The following LDLRAP1 variants were observed in gnomAD, a reference collection of about 807,000 sequenced individuals.
LDLRAP1 encodes the protein low density lipoprotein receptor adaptor protein 1.
A neutral mutation model predicts 37.8 loss-of-function variants in LDLRAP1; 30 were observed. The observed-to-expected ratio is 0.79, with a 90% CI of 0.59 to 1.08. The LOEUF is 1.08. LDLRAP1 is among the 50% of genes least tolerant of loss of function. LDLRAP1 has a pLI of 0.00. For synonymous variants in LDLRAP1, 156 were observed against 169.8 expected (o/e 0.92, Z 0.63); for missense variants, 375 against 401.6 (o/e 0.93, Z 0.57).
In LDLRAP1 at chr1:25,553,955, C is replaced by A. The variant is rs142920998; in HGVS notation, c.122C>A (p.Thr41Lys). The A allele has an allele frequency of 1.4e-5, 23 of 1,613,856 alleles. No homozygotes were observed. The highest frequency in any genetic ancestry group is 1.9e-5 in the Non-Finnish European group (22 of 1,180,014). ...LPENWTDTRE[T>K]LLEGMLFSLK... ...GAGAACTGGACAGACACGCGGGAGACGCTGCTGGAGGGGATGCTGTTCAGC... is the reference window on the plus strand; with the variant it reads ...GAGAACTGGACAGACACGCGGGAGAAGCTGCTGGAGGGGATGCTGTTCAGC... The change falls in exon 2 of 9, where the codon ACG becomes AAG. Residue 41 changes from threonine (T) to lysine (K), a missense_variant. Transcript: ENST00000374338.
At chr1:25,571,810 T>C (rs2044607825), downstream of LDLRAP1, among the ~76,000 whole-genome samples, 3 of 152,192 alleles carry the variant, frequency 2.0e-5, no homozygotes, top group African/African-American at 7.2e-5. Flanking sequence ...GATGGTGCGT[T>C]TGTGGCCAGG....
chr1:25,557,200 A>G lies in LDLRAP1; in HGVS notation c.392A>G (p.Tyr131Cys), dbSNP rs2044223048. The G allele has an allele frequency of 1.2e-6, 2 of 1,614,174 alleles. No homozygotes were observed. ...AAGATGCACGACAAGGTGTTTGCAT[A>G]CATCGCCCAGAGCCAGCACAACCAG... ...ADKMHDKVFA[Y>C]IAQSQHNQSL... The change falls in exon 4 of 9, where the codon TAC becomes TGC. Residue 131 changes from tyrosine to cysteine, a missense_variant. By Grantham distance (194) the Tyr-to-Cys change is radical. Coordinates refer to ENST00000374338, the MANE Select transcript of LDLRAP1 (RefSeq NM_015627.3).
downstream of LDLRAP1, among the ~76,000 whole-genome samples, chr1:25,570,500 C>T (rs2044589654): frequency 6.6e-6 from 1 of 152,174 alleles, no homozygotes; most frequent in Non-Finnish European, 1.5e-5. Context: ...GGGGGGCTGG[C>T]TTGGGGCCTG....
downstream of LDLRAP1, among the ~76,000 whole-genome samples, chr1:25,571,853 C>A (rs1043342921): frequency 2.6e-5 from 4 of 152,188 alleles, no homozygotes; most frequent in Non-Finnish European, 5.9e-5. Context: ...ATCCTTGTTG[C>A]CAGACAGCAA....
In LDLRAP1 at chr1:25,544,762, C is replaced by G. The variant is rs777398742; in HGVS notation, c.88+976C>G. 2.0e-5 allele frequency among the ~76,000 whole-genome samples: 3 copies of G among 152,200 alleles called. No homozygotes were observed. Among genetic ancestry groups the G allele is most frequent in the Non-Finnish European group, 4.4e-5 (3 of 68,028 alleles). ...TTCCTGCTGGTTTTGGAGCCAGAGC[C>G]CAGGACTGCTGCACACTCCCACCTC... is the stretch of plus-strand genomic sequence containing the variant. On this transcript the variant is annotated intron_variant, in intron 1 of 8. Coordinates refer to ENST00000374338, the MANE Select transcript of LDLRAP1 (RefSeq NM_015627.3). The surrounding 1 kb of genome is among the most constrained non-coding windows in gnomAD (Gnocchi z 4.8).
the LDLRAP1 span, among the ~76,000 whole-genome samples, chr1:25,578,085 A>C: frequency 6.6e-6 from 1 of 152,160 alleles, no homozygotes. Flanking sequence ...TGAAAAAGAC[A>C]GTTTTGTTCA....
intron 5 of LDLRAP1, 135 bp downstream of exon 5, chr1:25,562,851 CAG>C (rs10687390): frequency 0.51 from 429,956 of 849,670 alleles, 111,320 homozygotes; most frequent in Middle Eastern, 0.57. Context: ...CTTCACCGCT[CAG>C]AGTCTCGGTT....
In LDLRAP1 at chr1:25,554,075, C is replaced by A. The variant is rs1490494849; in HGVS notation, c.231+11C>A. The A allele has an allele frequency of 6.2e-7, 1 of 1,613,444 alleles. No homozygotes were observed. On this transcript the variant is annotated intron_variant, in intron 2 of 8. Coordinates refer to ENST00000374338, the MANE Select transcript of LDLRAP1 (RefSeq NM_015627.3). The surrounding 1 kb of genome is among the most constrained non-coding windows in gnomAD (Gnocchi z 5.4). ...AGGATCGTGGCTACAGTGAGCACCC[C>A]AGTCAGGAAGGGTGGGGGAACCAGG...
intron 1 of LDLRAP1, among the ~76,000 whole-genome samples, chr1:25,548,911 C>T (rs2044004776): frequency 6.6e-6 from 1 of 152,130 alleles, no homozygotes; most frequent in Non-Finnish European, 1.5e-5. Context: ...CCTTCTCAGC[C>T]TCCTAGCACA....
Position 25,544,612 on chromosome 1 carries a change from G to T in LDLRAP1, c.88+826G>T, listed in dbSNP as rs1344861684. ...GGCCTCCCCCCCTTTCTCTCCCCCAGTCTCTGATTACGCTCAGGGAACTTG... is the reference window on the plus strand; with the variant it reads ...GGCCTCCCCCCCTTTCTCTCCCCCATTCTCTGATTACGCTCAGGGAACTTG... On this transcript the variant is annotated intron_variant, in intron 1 of 8. Coordinates refer to ENST00000374338, the MANE Select transcript of LDLRAP1 (RefSeq NM_015627.3). This position sits in a 1 kb window ranked among gnomAD's most constrained non-coding sequence, Gnocchi z 4.8. 6.6e-6 allele frequency among the ~76,000 whole-genome samples: 1 copy of T among 152,026 alleles called. No individual in the cohort carries two copies. Among genetic ancestry groups the T allele is most frequent in the Non-Finnish European group, 1.5e-5 (1 of 67,992 alleles).
At position 25,554,579 on chromosome 1, in the gene LDLRAP1, T is replaced by A. The variant is rs2044154996; in HGVS notation, c.232-281T>A. ...CCGAGTCTGCAGGCCCTTCTAGCTGTGTGTCCTTGGGTAAGTCCCTTAGCC... is the reference window on the plus strand; with the variant it reads ...CCGAGTCTGCAGGCCCTTCTAGCTGAGTGTCCTTGGGTAAGTCCCTTAGCC... On this transcript the variant is annotated intron_variant, in intron 2 of 8. Coordinates refer to ENST00000374338, the MANE Select transcript of LDLRAP1 (RefSeq NM_015627.3). The surrounding 1 kb of genome is among the most constrained non-coding windows in gnomAD (Gnocchi z 5.4). 6.6e-6 allele frequency among the ~76,000 whole-genome samples: 1 copy of A among 152,238 alleles called. No homozygotes were observed. The highest frequency in any genetic ancestry group is 2.1e-4 in the South Asian group (1 of 4,832).
chr1:25,556,646 T>A (rs1301099151), intron 3 of LDLRAP1, among the ~76,000 whole-genome samples: 1 of 152,200 alleles, frequency 6.6e-6, no homozygotes, highest in Non-Finnish European at 1.5e-5. Context: ...CTGCTTCCCC[T>A]TCTGGCCAGT....
rs571523860 is a variant in LDLRAP1 at position 25,565,231 on chromosome 1, G to A, written c.782+24G>A. The A allele has an allele frequency of 3.2e-5, 52 of 1,613,890 alleles. 1 individual carries two copies. In the South Asian group the frequency reaches 5.5e-4, roughly 17 times the overall value. ...AGGTAATGCTAGCTTCCTGTGCTGG[G>A]TAGGGGGCCTGGTGTGCGTGGGCTG... On this transcript the variant is annotated intron_variant, in intron 8 of 8. Coordinates refer to ENST00000374338, the MANE Select transcript of LDLRAP1 (RefSeq NM_015627.3).
intron 1 of LDLRAP1, among the ~76,000 whole-genome samples, chr1:25,553,156 A>G (rs991548796): frequency 2.6e-5 from 4 of 151,536 alleles, no homozygotes; most frequent in Admixed American, 1.3e-4. Context: ...GGCTGGGGCC[A>G]TGGGAACCGC....
At chr1:25,546,509 C>T (rs1004070544) in intron 1 of LDLRAP1, among the ~76,000 whole-genome samples, 1 of 152,190 alleles carries the variant, frequency 6.6e-6, no homozygotes, top group Non-Finnish European at 1.5e-5. Flanking sequence ...CTTTTCCTAT[C>T]CCCTGGGGAG....
intron 8 of LDLRAP1, 131 bp downstream of exon 8, chr1:25,565,338 A>G: frequency 1.0e-6 from 1 of 989,472 alleles, no homozygotes; most frequent in Non-Finnish European, 1.6e-6. Context: ...CAACAGTCCC[A>G]TCCCTCCACT....
intron 3 of LDLRAP1, among the ~76,000 whole-genome samples, chr1:25,556,339 C>T (rs1210618394): frequency 6.6e-6 from 1 of 152,130 alleles, no homozygotes; most frequent in Non-Finnish European, 1.5e-5. Flanking sequence ...TCGGGTGGCC[C>T]CTAGGTTACA....
chr1:25,584,152 G>A, the LDLRAP1 span, among the ~76,000 whole-genome samples: 1 of 152,032 alleles, frequency 6.6e-6, no homozygotes, highest in African/African-American at 2.4e-5. Context: ...GGGAACATGT[G>A]TGTGCTCTTT....
chr1:25,573,006 C>T (rs982699916), downstream of LDLRAP1, among the ~76,000 whole-genome samples: 9 of 151,844 alleles, frequency 5.9e-5, no homozygotes, highest in Admixed American at 2.6e-4. Context: ...GATTTTTAGC[C>T]GCAGAAACAA....
Sources: gnomAD v4.1 joint callset for allele counts (sites outside exome capture counted in the v4.1 genomes callset) on GRCh38, gnomAD v4.1.1 for gene constraint, Gnocchi (gnomAD v3.1) non-coding constraint, MANE v1.5 for transcripts, NCBI Gene and HGNC (gene_info 2026-07-23, HGNC 2026-07-21) for gene names.